Variants in ZNF704 observed in about 807,000 individuals in gnomAD.
ZNF704 encodes the protein zinc finger protein 704.
Under a neutral mutation model 44.7 loss-of-function variants are expected in ZNF704, and 10 were observed. The ratio of observed to expected loss-of-function variants is 0.22; its 90% CI spans 0.14 to 0.38. The LOEUF (loss-of-function observed/expected upper bound fraction) is 0.38. Ranked by LOEUF, ZNF704 falls within the 10% of genes least tolerant of loss-of-function variation. ZNF704 has a pLI of 1.00. For synonymous variants in ZNF704, 211 were observed against 207.6 expected (o/e 1.02, Z -0.14); for missense variants, 390 against 545.5 (o/e 0.71, Z 2.84).
At chr8:80,753,270 G>A (rs1331870914) in intron 2 of ZNF704, among the ~76,000 whole-genome samples, 1 of 152,150 alleles carries the variant, frequency 6.6e-6, no homozygotes, top group African/African-American at 2.4e-5. Context: ...AGCCAGGAGC[G>A]CCTGAGGCTT....
chr8:80,839,756 A>ATGCT (rs1808644744), intron 1 of ZNF704, among the ~76,000 whole-genome samples: 1 of 152,184 alleles, frequency 6.6e-6, no homozygotes. Flanking sequence ...ATAAAAAGAC[A>ATGCT]TGCTTGAGGG....
chr8:80,729,071 G>GT (rs1490374163), intron 2 of ZNF704, among the ~76,000 whole-genome samples: 2 of 152,222 alleles, frequency 1.3e-5, no homozygotes, highest in African/African-American at 4.8e-5. Context: ...CACTCCTCAA[G>GT]TAACCTCTGT....
chr8:80,782,371 C>A (rs996833242), intron 2 of ZNF704, among the ~76,000 whole-genome samples: 1 of 152,176 alleles, frequency 6.6e-6, no homozygotes, highest in African/African-American at 2.4e-5. Flanking sequence ...GACGGCTTTA[C>A]AAGCAGCTGC....
chr8:80,751,223 C>A (rs151161586), intron 2 of ZNF704, among the ~76,000 whole-genome samples: 10 of 152,048 alleles, frequency 6.6e-5, no homozygotes, highest in Non-Finnish European at 1.3e-4. Flanking sequence ...ACTCTTAGGG[C>A]GCCCTTCCCT....
chr8:80,845,447 T>C (rs1002432228), intron 1 of ZNF704, among the ~76,000 whole-genome samples: 3 of 152,174 alleles, frequency 2.0e-5, no homozygotes, highest in African/African-American at 4.8e-5. Flanking sequence ...TTAAATCAGA[T>C]CAAAAAGAGT....
chr8:80,867,287 CAA>C, intron 1 of ZNF704, among the ~76,000 whole-genome samples: 1 of 152,172 alleles, frequency 6.6e-6, no homozygotes, highest in Non-Finnish European at 1.5e-5. Flanking sequence ...AGGTACTTTA[CAA>C]AAGACAAGTA....
chr8:80,880,723 A>AGG, the ZNF704 span, among the ~76,000 whole-genome samples: 2 of 152,248 alleles, frequency 1.3e-5, no homozygotes, highest in Non-Finnish European at 2.9e-5. Flanking sequence ...TAAACTTGAT[A>AGG]CCAAGTCAGG....
chr8:80,693,249 G>C (rs1405364342), intron 2 of ZNF704, 142 bp from the exon 3 acceptor site: 1 of 700,832 alleles, frequency 1.4e-6, no homozygotes, highest in Non-Finnish European at 2.5e-6. Context: ...TTTTATAGAT[G>C]AGGAAGCTGA....
intron 2 of ZNF704, among the ~76,000 whole-genome samples, chr8:80,695,224 G>C (rs993342345): frequency 2.0e-5 from 3 of 152,192 alleles, no homozygotes; most frequent in African/African-American, 7.2e-5. Context: ...GATAAGTTGG[G>C]GCTTGCTGCA....
At chr8:80,736,993 A>C (rs370678223) in intron 2 of ZNF704, among the ~76,000 whole-genome samples, 41 of 152,024 alleles carry the variant, frequency 2.7e-4, no homozygotes, top group African/African-American at 8.9e-4. Flanking sequence ...GTTAAGAATT[A>C]CTCTTCCAAG....
intron 2 of ZNF704, among the ~76,000 whole-genome samples, chr8:80,699,993 G>A (rs1818784172): frequency 6.6e-6 from 1 of 152,158 alleles, no homozygotes. Context: ...CAGGTGGGGT[G>A]TGGGCCTTTC....
At chr8:80,720,735 TC>T in intron 2 of ZNF704, among the ~76,000 whole-genome samples, 1 of 152,330 alleles carries the variant, frequency 6.6e-6, no homozygotes, top group East Asian at 1.9e-4. Context: ...CCCACAGCCC[TC>T]ACCTCATCTC....
chr8:80,764,718 T>A (rs912365744), intron 2 of ZNF704, among the ~76,000 whole-genome samples: 1 of 152,236 alleles, frequency 6.6e-6, no homozygotes, highest in African/African-American at 2.4e-5. Flanking sequence ...TGTAATTAAG[T>A]GATTTTCTGC....
intron 2 of ZNF704, among the ~76,000 whole-genome samples, chr8:80,820,919 A>AC (rs1251708714): frequency 6.6e-6 from 1 of 152,210 alleles, no homozygotes; most frequent in Admixed American, 6.5e-5. Context: ...TTGGAAAAAA[A>AC]AAAAAAGTAA....
At chr8:80,851,938 G>C (rs1401491667) in intron 1 of ZNF704, among the ~76,000 whole-genome samples, 4 of 152,034 alleles carry the variant, frequency 2.6e-5, no homozygotes, top group Admixed American at 2.6e-4. Flanking sequence ...ATCCAGGCAT[G>C]ACCTCTCGGG....
chr8:80,856,532 AT>A (rs947046423), intron 1 of ZNF704, among the ~76,000 whole-genome samples: 2 of 152,090 alleles, frequency 1.3e-5, no homozygotes, highest in Non-Finnish European at 2.9e-5. Flanking sequence ...TTTTTAAATA[AT>A]TTTTTTGTGT....
chr8:80,818,934 T>C (rs1410971295), intron 2 of ZNF704, among the ~76,000 whole-genome samples: 1 of 152,170 alleles, frequency 6.6e-6, no homozygotes, highest in East Asian at 1.9e-4. Context: ...GAAATAGAGT[T>C]TGAGAGTTTG....
intron 2 of ZNF704, among the ~76,000 whole-genome samples, chr8:80,787,174 T>C (rs1325044941): frequency 1.3e-5 from 2 of 152,248 alleles, no homozygotes; most frequent in East Asian, 1.9e-4. Context: ...CTTCATCTGA[T>C]AGGAAGCATC....
chr8:80,743,371 G>T (rs1334446115), intron 2 of ZNF704, among the ~76,000 whole-genome samples: 1 of 152,134 alleles, frequency 6.6e-6, no homozygotes, highest in African/African-American at 2.4e-5. Context: ...TTAAGGATGT[G>T]TTTGTATGAA....
Sources: gnomAD v4.1 joint callset for allele counts (sites outside exome capture counted in the v4.1 genomes callset) on GRCh38, gnomAD v4.1.1 for gene constraint, MANE v1.5 for transcripts, NCBI Gene and HGNC (gene_info 2026-07-23, HGNC 2026-07-21) for gene names.